Variants in MYLK4 observed in about 807,000 individuals in gnomAD.
The protein encoded by MYLK4 is caMLCK like.
A neutral mutation model predicts 48.1 loss-of-function variants in MYLK4; 46 were observed. The ratio of observed to expected loss-of-function variants is 0.96; its 90% CI spans 0.75 to 1.22. The LOEUF is 1.22. Among genes scored for constraint, MYLK4 ranks in the 50% most tolerant of loss-of-function variants. MYLK4 has a pLI of 0.00. For synonymous variants in MYLK4, 170 were observed against 180.8 expected, an observed-to-expected ratio of 0.94 and a Z score of 0.48; for missense variants, 451 against 486.1, an observed-to-expected ratio of 0.93 and a Z score of 0.68.
chr6:2,743,714 G>A (rs1392237643), intron 2 of MYLK4, among the ~76,000 whole-genome samples: 1 of 152,144 alleles, frequency 6.6e-6, no homozygotes, highest in African/African-American at 2.4e-5. Flanking sequence ...TTCCCCAAAA[G>A]TTGGTGCAAG....
the MYLK4 span, among the ~76,000 whole-genome samples, chr6:2,765,110 C>G: frequency 1.3e-5 from 2 of 151,870 alleles, no homozygotes; most frequent in Non-Finnish European, 2.9e-5. Flanking sequence ...CCTCGCGCGA[C>G]TCGCAGGCCT....
intron 2 of MYLK4, among the ~76,000 whole-genome samples, chr6:2,713,234 G>A (rs542013240): frequency 6.6e-6 from 1 of 152,110 alleles, no homozygotes; most frequent in Admixed American, 6.5e-5. Flanking sequence ...GCCAGGCATG[G>A]TGGTGCATGC....
chr6:2,758,158 TAA>T, the MYLK4 span, among the ~76,000 whole-genome samples: 1 of 152,076 alleles, frequency 6.6e-6, no homozygotes, highest in Admixed American at 6.6e-5. Flanking sequence ...TCCTAAGAAA[TAA>T]AAGATTATTT....
At chr6:2,713,160 C>T (rs948956622) in intron 2 of MYLK4, among the ~76,000 whole-genome samples, 3 of 151,934 alleles carry the variant, frequency 2.0e-5, no homozygotes, top group Non-Finnish European at 4.4e-5. Context: ...CCCCTGAGGT[C>T]GGGAGTTCGA....
At chr6:2,768,813 AAAG>A in the MYLK4 span, 4 of 1,614,012 alleles carry the variant, frequency 2.5e-6, no homozygotes, top group Admixed American at 5.0e-5. Flanking sequence ...CTCAAAATGA[AAAG>A]AGCTTTTTCA....
chr6:2,701,046 G>A lies in MYLK4; in HGVS notation c.160-8187C>T, dbSNP rs182311683. ...GCGTGAGTGCATGTGTGTGTCAACC[G>A]ACTTCAAATGGAATCACAGCTCCTC... On this transcript the variant is annotated intron_variant, in intron 2 of 12. Coordinates refer to ENST00000274643, the MANE Select transcript of MYLK4 (RefSeq NM_001012418.5). Among the ~76,000 whole-genome samples, 4 of 152,302 alleles carry A rather than the reference G, an allele frequency of 2.6e-5. No individual in the cohort carries two copies. In the East Asian group the frequency reaches 5.8e-4, roughly 22 times the overall value.
chr6:2,702,005 G>C (rs1174224903), intron 2 of MYLK4, among the ~76,000 whole-genome samples: 1 of 152,222 alleles, frequency 6.6e-6, no homozygotes, highest in African/African-American at 2.4e-5. Context: ...AACTCAGAGG[G>C]AAGCCAGTGA....
At chr6:2,763,878 GGCTCAT>G in the MYLK4 span, among the ~76,000 whole-genome samples, 1 of 152,130 alleles carries the variant, frequency 6.6e-6, no homozygotes, top group African/African-American at 2.4e-5. Context: ...CGGGCGCAGT[GGCTCAT>G]GCCTGTAATC....
chr6:2,713,773 C>A (rs1353996085), intron 2 of MYLK4, among the ~76,000 whole-genome samples: 1 of 152,150 alleles, frequency 6.6e-6, no homozygotes, highest in African/African-American at 2.4e-5. Context: ...GGTTGTATCC[C>A]ATATTTAGGC....
chr6:2,763,031 C>G, the MYLK4 span, among the ~76,000 whole-genome samples: 1 of 152,214 alleles, frequency 6.6e-6, no homozygotes, highest in African/African-American at 2.4e-5. Flanking sequence ...ATCGCCAGCT[C>G]TAGCAGCCTG....
the MYLK4 span, among the ~76,000 whole-genome samples, chr6:2,762,245 A>G: frequency 6.6e-6 from 1 of 152,166 alleles, no homozygotes. Flanking sequence ...CAAGTTTCCC[A>G]TGACAATACT....
Position 2,678,388 on chromosome 6 carries a change from T to G in MYLK4, c.888-16A>C. 6.2e-7 allele frequency: 1 copy of G among 1,612,086 alleles called. No individual in the cohort carries two copies. On this transcript the variant is annotated splice_polypyrimidine_tract_variant and intron_variant, in intron 9 of 12. Coordinates refer to ENST00000274643, the MANE Select transcript of MYLK4 (RefSeq NM_001012418.5). ...ACCGCTAAGTCTGGAGGACACGGGG[T>G]CCAGAGTGAGTATTTTTTAAACAGC...
At chr6:2,676,584 T>C (rs1469775623) in intron 10 of MYLK4, among the ~76,000 whole-genome samples, 1 of 152,258 alleles carries the variant, frequency 6.6e-6, no homozygotes, top group African/African-American at 2.4e-5. Flanking sequence ...ATTTATTCTA[T>C]GATAGTGGTG....
At chr6:2,751,858 C>T (rs1163686093), upstream of MYLK4, among the ~76,000 whole-genome samples, 1 of 152,048 alleles carries the variant, frequency 6.6e-6, no homozygotes, top group Admixed American at 6.6e-5. Context: ...ACACAAAACG[C>T]TTGTTATTTT....
intron 4 of MYLK4, among the ~76,000 whole-genome samples, chr6:2,686,129 C>G (rs1045980076): frequency 7.9e-5 from 12 of 152,032 alleles, no homozygotes; most frequent in Non-Finnish European, 1.5e-4. Context: ...ATTCTGGGCC[C>G]TACCCCAGAC....
intron 2 of MYLK4, among the ~76,000 whole-genome samples, chr6:2,708,524 A>G (rs1487238624): frequency 6.6e-6 from 1 of 152,232 alleles, no homozygotes; most frequent in African/African-American, 2.4e-5. Context: ...TCAAAAAACT[A>G]TATTTACTTT....
intron 2 of MYLK4, among the ~76,000 whole-genome samples, chr6:2,735,293 G>A (rs1404572672): frequency 2.6e-5 from 4 of 152,182 alleles, no homozygotes; most frequent in African/African-American, 9.6e-5. Flanking sequence ...GAAGGTAAAT[G>A]AAGAAAGCCA....
At chr6:2,688,794 G>A (rs2113154167) in intron 4 of MYLK4, 57 bp downstream of exon 4, 2 of 1,378,930 alleles carry the variant, frequency 1.5e-6, no homozygotes, top group East Asian at 4.6e-5. Context: ...CATTTACGAA[G>A]TCATTTGCAC....
chr6:2,676,174 G>C (rs1334349699), intron 10 of MYLK4, among the ~76,000 whole-genome samples: 1 of 152,062 alleles, frequency 6.6e-6, no homozygotes, highest in Non-Finnish European at 1.5e-5. Flanking sequence ...CAAAGAGGCA[G>C]TTTCAAGCAG....
Sources: allele counts gnomAD v4.1 joint callset (sites outside exome capture counted in the v4.1 genomes callset), GRCh38; gene constraint gnomAD v4.1.1; transcripts MANE v1.5; gene names NCBI Gene and HGNC (gene_info 2026-07-23, HGNC 2026-07-21).